EVC2: variants seen among roughly 807,000 people sequenced by gnomAD.
The protein encoded by EVC2 is limbin.
EVC2 carries 148 observed loss-of-function variants against 149.3 expected under a neutral mutation model. The ratio of observed to expected loss-of-function variants is 0.99; its 90% CI spans 0.87 to 1.14. EVC2 has a LOEUF of 1.14. Among genes scored for constraint, EVC2 ranks in the 50% most tolerant of loss-of-function variants. EVC2 has a pLI of 0.00. For synonymous variants in EVC2, 776 were observed against 649.9 expected (o/e 1.19, Z -2.95); for missense variants, 1,854 against 1,627.3 (o/e 1.14, Z -2.40).
At chr4:5,594,239 T>G (rs546127725) in intron 16 of EVC2, among the ~76,000 whole-genome samples, 156 of 152,324 alleles carry the variant, frequency 1.0e-3, no homozygotes, top group African/African-American at 3.5e-3. Flanking sequence ...AGCACGCAGC[T>G]GGAGATCTGA....
chr4:5,649,477 AAG>A (rs1717960103), intron 9 of EVC2, among the ~76,000 whole-genome samples: 1 of 152,256 alleles, frequency 6.6e-6, no homozygotes, highest in Admixed American at 6.5e-5. Context: ...ATGATAAAAA[AAG>A]AGAGAAGATG....
intron 1 of EVC2, among the ~76,000 whole-genome samples, chr4:5,702,460 A>C (rs776286602): frequency 2.6e-5 from 4 of 152,200 alleles, no homozygotes; most frequent in Non-Finnish European, 5.9e-5. Flanking sequence ...TTGCGAAAGA[A>C]TGGCCCAGAG....
At chr4:5,549,270 T>A (rs55776163) in intron 21 of EVC2, among the ~76,000 whole-genome samples, 1 of 152,032 alleles carries the variant, frequency 6.6e-6, no homozygotes, top group African/African-American at 2.4e-5. Flanking sequence ...GGTACGGGAG[T>A]TTGCTTTCTA....
At chr4:5,638,163 C>A (rs376064004) in intron 10 of EVC2, among the ~76,000 whole-genome samples, 1 of 151,746 alleles carries the variant, frequency 6.6e-6, no homozygotes, top group African/African-American at 2.4e-5. Flanking sequence ...CCAAGGTGGG[C>A]GGATCACCTG....
At chr4:5,556,913 T>C (rs1365990276) in intron 21 of EVC2, among the ~76,000 whole-genome samples, 1 of 100,882 alleles carries the variant, frequency 9.9e-6, no homozygotes, top group African/African-American at 3.1e-5. Flanking sequence ...ACCATATCTA[T>C]TAAATAAACA....
At chr4:5,612,868 G>A (rs932185690) in intron 16 of EVC2, among the ~76,000 whole-genome samples, 2 of 138,686 alleles carry the variant, frequency 1.4e-5, no homozygotes, top group Non-Finnish European at 3.0e-5. Context: ...CTTGCAGTGA[G>A]CCAGGATTGT....
At chr4:5,540,733 G>C (rs1721496539), downstream of EVC2, among the ~76,000 whole-genome samples, 1 of 152,184 alleles carries the variant, frequency 6.6e-6, no homozygotes, top group South Asian at 2.1e-4. Flanking sequence ...TCATTGTCTT[G>C]ATTGTGGTGA....
At chr4:5,645,305 A>T (rs1452460474) in intron 9 of EVC2, among the ~76,000 whole-genome samples, 5 of 134,910 alleles carry the variant, frequency 3.7e-5, no homozygotes, top group African/African-American at 1.4e-4. Context: ...TAGGTTTTTT[A>T]TACAGGTAAA....
At chr4:5,608,589 A>G (rs746063471) in intron 16 of EVC2, among the ~76,000 whole-genome samples, 3 of 152,028 alleles carry the variant, frequency 2.0e-5, no homozygotes, top group Non-Finnish European at 4.4e-5. Context: ...GCTGGAGTGC[A>G]ATGGCGCAAT....
chr4:5,652,615 G>A (rs1331736098), intron 9 of EVC2, among the ~76,000 whole-genome samples: 1 of 152,172 alleles, frequency 6.6e-6, no homozygotes, highest in African/African-American at 2.4e-5. Flanking sequence ...GCAAGGGCTT[G>A]GAGCTGCTGG....
chr4:5,593,043 A>C (rs4593077), intron 16 of EVC2, among the ~76,000 whole-genome samples: 93,946 of 151,978 alleles, frequency 0.62, 29,351 homozygotes, highest in East Asian at 0.86. Flanking sequence ...TTGCTCTGCA[A>C]TTCTCCTTGC....
At chr4:5,635,590 C>T (rs1374895601) in intron 10 of EVC2, among the ~76,000 whole-genome samples, 4 of 152,228 alleles carry the variant, frequency 2.6e-5, no homozygotes, top group African/African-American at 9.6e-5. Context: ...GTTGACTCTA[C>T]AGCATCACAA....
At chr4:5,645,161 C>T (rs559322371) in intron 9 of EVC2, among the ~76,000 whole-genome samples, 2 of 151,962 alleles carry the variant, frequency 1.3e-5, no homozygotes, top group Admixed American at 6.6e-5. Context: ...GTAAGGCTAG[C>T]GTGAATCCAT....
At chr4:5,588,596 T>C (rs1712503724) in intron 16 of EVC2, among the ~76,000 whole-genome samples, 1 of 152,192 alleles carries the variant, frequency 6.6e-6, no homozygotes, top group South Asian at 2.1e-4. Flanking sequence ...ATAGTTTCTA[T>C]TGCTATATCT....
In EVC2 at chr4:5,569,433, G is replaced by C. The variant is rs960628575; in HGVS notation, c.3361-793C>G. On this transcript the variant is annotated intron_variant, in intron 19 of 21. Coordinates refer to ENST00000344408, the MANE Select transcript of EVC2 (RefSeq NM_147127.5). The surrounding 1 kb of genome is among the most constrained non-coding windows in gnomAD (Gnocchi z 4.8). The stretch of plus-strand genomic sequence containing the variant: ...CTGACAGGAACCATTGGGGAAAATT[G>C]AGTGAAACTCTCTGAAACTCTATAC... 2.0e-5 allele frequency among the ~76,000 whole-genome samples: 3 copies of C among 152,226 alleles called. No individual in the cohort carries two copies. Among genetic ancestry groups the C allele is most frequent in the African/African-American group, 7.2e-5 (3 of 41,468 alleles).
chr4:5,701,540 C>G (rs1159793856), intron 1 of EVC2, among the ~76,000 whole-genome samples: 1 of 152,058 alleles, frequency 6.6e-6, no homozygotes, highest in Non-Finnish European at 1.5e-5. Context: ...TGGATCTTTT[C>G]CTCTCCTAGT....
the EVC2 span, among the ~76,000 whole-genome samples, chr4:5,530,485 C>T: frequency 8.2e-6 from 1 of 122,348 alleles, no homozygotes; most frequent in Non-Finnish European, 1.8e-5. Flanking sequence ...CAACTACAGT[C>T]AAACAAACTA....
chr4:5,675,144 C>T (rs1393475926), intron 7 of EVC2, among the ~76,000 whole-genome samples: 1 of 152,196 alleles, frequency 6.6e-6, no homozygotes, highest in Non-Finnish European at 1.5e-5. Context: ...ATGCTCTTTA[C>T]ATATTAAAAA....
intron 9 of EVC2, among the ~76,000 whole-genome samples, chr4:5,662,636 T>A (rs1488046894): frequency 6.9e-6 from 1 of 144,908 alleles, no homozygotes; most frequent in Non-Finnish European, 1.5e-5. Flanking sequence ...TATATTAAAA[T>A]ATAATATATT....
Sources: allele counts gnomAD v4.1 joint callset (sites outside exome capture counted in the v4.1 genomes callset), GRCh38; gene constraint gnomAD v4.1.1; non-coding constraint Gnocchi (gnomAD v3.1); transcripts MANE v1.5; gene names NCBI Gene and HGNC (gene_info 2026-07-23, HGNC 2026-07-21).